CCDC39: variants seen among roughly 807,000 people sequenced by gnomAD.
The protein encoded by CCDC39 is coiled-coil domain-containing protein 39.
In CCDC39, 113 loss-of-function variants were observed where a neutral mutation model predicts 121.0. That is an observed-to-expected ratio of 0.93 (90% CI 0.80 to 1.09). The LOEUF (loss-of-function observed/expected upper bound fraction) is 1.09. Ranked by LOEUF, CCDC39 falls within the 50% of genes least tolerant of loss-of-function variation. The pLI, the probability that CCDC39 is intolerant of heterozygous loss-of-function variation, is 0.00. For missense variants in CCDC39, 1,063 were observed against 1,074.7 expected, an observed-to-expected ratio of 0.99 and a Z score of 0.15; for synonymous variants, 349 against 352.2, an observed-to-expected ratio of 0.99 and a Z score of 0.10.
chr3:180,638,864 CAG>C (rs1717891660), intron 13 of CCDC39, among the ~76,000 whole-genome samples: 1 of 151,962 alleles, frequency 6.6e-6, no homozygotes, highest in South Asian at 2.1e-4. Context: ...GCAGGAAAGA[CAG>C]AAATAATGAA....
rs765511613 is a variant in CCDC39 at position 180,661,892 on chromosome 3, G to A, written c.326C>T (p.Ala109Val). The A allele has an allele frequency of 5.7e-6, 9 of 1,587,178 alleles. No homozygotes were observed. The highest frequency in any genetic ancestry group is 6.9e-6 in the Non-Finnish European group (8 of 1,165,212). The change falls in exon 3 of 20, where the codon GCT becomes GTT. Residue 109 changes from alanine to valine, a missense_variant. Physicochemically the swap from Ala to Val is moderately conservative, Grantham distance 64. Transcript: ENST00000476379. Reference sequence around the variant, plus strand: ...ATCACTTTTCTTTTCCAGTATTGAAGCCATCTCATTTTCCAGCCGTTGAAT... The same window carrying A: ...ATCACTTTTCTTTTCCAGTATTGAAACCATCTCATTTTCCAGCCGTTGAAT... ...DEIQRLENEM[A>V]SILEKKSDKE... is the part of the protein sequence containing the mutation.
intron 7 of CCDC39, among the ~76,000 whole-genome samples, chr3:180,652,935 A>C (rs768344535): frequency 2.0e-5 from 3 of 152,228 alleles, no homozygotes; most frequent in Non-Finnish European, 2.9e-5. Flanking sequence ...AATACTTAGG[A>C]ATAAATTTAA....
chr3:180,639,916 A>G (rs1717916489), intron 13 of CCDC39, among the ~76,000 whole-genome samples: 1 of 152,166 alleles, frequency 6.6e-6, no homozygotes, highest in South Asian at 2.1e-4. Context: ...TATACACAAC[A>G]TGGATGAATT....
In CCDC39 at chr3:180,616,935, T is replaced by C. The variant is rs1717269558; in HGVS notation, c.2297A>G (p.His766Arg). 6.8e-7 allele frequency: 1 copy of C among 1,479,364 alleles called. No homozygotes were observed. Among genetic ancestry groups the C allele is most frequent in the Non-Finnish European group, 9.3e-7 (1 of 1,071,396 alleles). 91.6% of individuals were successfully genotyped at this position (1,479,364 alleles called of 1,614,324 possible). The change falls in exon 17 of 20, where the codon CAT becomes CGT. Residue 766 changes from histidine to arginine, a missense_variant. By Grantham distance (29) the His-to-Arg change is conservative. Coordinates refer to ENST00000476379, the MANE Select transcript of CCDC39 (RefSeq NM_181426.2). ...SMENTLDVIE[H>R]LANNVKEKLS... ...CTTTTCTTTAACATTATTTGCCAAA[T>C]GTTCTATAACATCTAATGTATTTTC...
At chr3:180,677,168 TTATATATA>T (rs58408770) in intron 1 of CCDC39, among the ~76,000 whole-genome samples, 473 of 35,152 alleles carry the variant, frequency 0.013, 2 homozygotes, top group East Asian at 0.022. Context: ...AATAATAATT[TTATATATA>T]TATATATATA....
intron 6 of CCDC39, among the ~76,000 whole-genome samples, chr3:180,657,055 C>A (rs1711598902): frequency 6.6e-6 from 1 of 152,126 alleles, no homozygotes; most frequent in Admixed American, 6.5e-5. Flanking sequence ...TGTGGATTTG[C>A]CTCAGATTCT....
At chr3:180,625,427 G>T (rs1717536532) in intron 14 of CCDC39, among the ~76,000 whole-genome samples, 1 of 147,700 alleles carries the variant, frequency 6.8e-6, no homozygotes, top group South Asian at 2.2e-4. Context: ...CTTTATATTG[G>T]TTTTCAGATT....
intron 1 of CCDC39, among the ~76,000 whole-genome samples, chr3:180,673,483 A>AT (rs139280451): frequency 1.5e-4 from 23 of 152,124 alleles, no homozygotes; most frequent in South Asian, 4.1e-4. Flanking sequence ...GCTTGTTAGT[A>AT]TTTTTTTTAA....
intron 14 of CCDC39, among the ~76,000 whole-genome samples, chr3:180,624,779 T>C (rs1717519022): frequency 6.6e-6 from 1 of 152,128 alleles, no homozygotes; most frequent in Non-Finnish European, 1.5e-5. Context: ...CTGACAGGTG[T>C]TTTTTGGTTT....
intron 1 of CCDC39, among the ~76,000 whole-genome samples, chr3:180,678,617 G>C (rs1214460377): frequency 2.0e-5 from 3 of 151,632 alleles, no homozygotes; most frequent in Non-Finnish European, 2.9e-5. Context: ...GCCTCCCAAA[G>C]TGCTGGGATT....
Position 180,660,583 on chromosome 3 carries a change from T to C in CCDC39, c.503A>G (p.Asp168Gly). 6.3e-7 allele frequency: 1 copy of C among 1,581,922 alleles called. No homozygotes were observed. Among genetic ancestry groups the C allele is most frequent in the Non-Finnish European group, 8.6e-7 (1 of 1,160,830 alleles). Residue 168 changes from aspartate (D) to glycine (G), a missense_variant, in exon 4 of 20, where the codon GAT becomes GGT. Transcript: ENST00000476379. ...LTLQKYAQQD[D>G]NKIRALTLQL... Reference sequence around the variant, plus strand: ...GTAATTTCTCACCCTGATTTTATTATCATCTTGTTGTGCATACTTCTGGAG... The same window carrying C: ...GTAATTTCTCACCCTGATTTTATTACCATCTTGTTGTGCATACTTCTGGAG...
At chr3:180,631,770 T>C (rs1044416008) in intron 13 of CCDC39, among the ~76,000 whole-genome samples, 178 bp from the exon 14 acceptor site, 14 of 152,320 alleles carry the variant, frequency 9.2e-5, no homozygotes, top group African/African-American at 3.4e-4. Flanking sequence ...TTGAAGACAT[T>C]TGGATTTGTG....
rs750163921 is a variant in CCDC39, at chr3:180,663,993, A to G, written c.91-7T>C. 1.2e-6 allele frequency: 2 copies of G among 1,608,614 alleles called. No homozygotes were observed. Among genetic ancestry groups the G allele is most frequent in the African/African-American group, 2.7e-5 (2 of 74,870 alleles). On this transcript the variant is annotated splice_region_variant and splice_polypyrimidine_tract_variant and intron_variant, in intron 1 of 19. Coordinates refer to ENST00000476379, the MANE Select transcript of CCDC39 (RefSeq NM_181426.2). The stretch of plus-strand genomic sequence containing the variant: ...CATCCTTCAGCTTTGACAACTGTAA[A>G]TAATAAATACTATGATTAACCAAAG...
At chr3:180,644,321 T>A in intron 11 of CCDC39, 64 bp from the exon 12 acceptor site, 1 of 947,238 alleles carries the variant, frequency 1.1e-6, no homozygotes, top group Non-Finnish European at 1.6e-6. Flanking sequence ...ATTAAATACA[T>A]GCTGTATTAT....
At chr3:180,620,203 TGTA>T (rs1314075511) in intron 14 of CCDC39, among the ~76,000 whole-genome samples, 1 of 151,852 alleles carries the variant, frequency 6.6e-6, no homozygotes, top group Non-Finnish European at 1.5e-5. Flanking sequence ...GTGATGGAAA[TGTA>T]GTAACTAACC....
At chr3:180,637,055 C>T (rs1160372289) in intron 13 of CCDC39, among the ~76,000 whole-genome samples, 1 of 152,068 alleles carries the variant, frequency 6.6e-6, no homozygotes. Flanking sequence ...AAAGCAATCA[C>T]AGCAAAAACA....
At chr3:180,675,693 T>C (rs1173780797) in intron 1 of CCDC39, among the ~76,000 whole-genome samples, 5 of 152,092 alleles carry the variant, frequency 3.3e-5, no homozygotes, top group Admixed American at 6.6e-5. Context: ...TTTGTTCTCA[T>C]TGAAGCCAAA....
intron 1 of CCDC39, among the ~76,000 whole-genome samples, chr3:180,674,295 A>G (rs1319232970): frequency 6.6e-6 from 1 of 152,014 alleles, no homozygotes; most frequent in African/African-American, 2.4e-5. Context: ...TTATTGGTGT[A>G]TAAGAATGCC....
At chr3:180,627,617 TC>T (rs1717595346) in intron 14 of CCDC39, among the ~76,000 whole-genome samples, 1 of 152,246 alleles carries the variant, frequency 6.6e-6, no homozygotes, top group South Asian at 2.1e-4. Flanking sequence ...CTATACTGTT[TC>T]CTTATAAAGA....
Sources: gnomAD v4.1 joint callset for allele counts (sites outside exome capture counted in the v4.1 genomes callset) on GRCh38, gnomAD v4.1.1 for gene constraint, MANE v1.5 for transcripts, NCBI Gene and HGNC (gene_info 2026-07-23, HGNC 2026-07-21) for gene names.